Variants in SLCO3A1 observed in about 807,000 individuals in gnomAD.
The protein encoded by SLCO3A1 is solute carrier organic anion transporter family member 3A1, also known as PGE1 transporter.
Under a neutral mutation model 63.1 loss-of-function variants are expected in SLCO3A1, and 27 were observed. The ratio of observed to expected loss-of-function variants is 0.43; its 90% confidence interval spans 0.32 to 0.59. SLCO3A1 has a LOEUF of 0.59. Ranked by LOEUF, SLCO3A1 falls within the 20% of genes least tolerant of loss-of-function variation. SLCO3A1 has a pLI of 0.09. For missense variants in SLCO3A1, 773 were observed against 945.8 expected (o/e 0.82, Z 2.40); for synonymous variants, 473 against 409.9 (o/e 1.15, Z -1.86).
At chr15:91,996,871 A>G (rs2387402) in intron 2 of SLCO3A1, among the ~76,000 whole-genome samples, 3,654 of 152,302 alleles carry the variant, frequency 0.024, 142 homozygotes, top group African/African-American at 0.083. Context: ...TGAAAAGCCA[A>G]AAATTTAAAA....
chr15:92,067,680 A>G (rs2047167594), intron 2 of SLCO3A1, among the ~76,000 whole-genome samples: 1 of 152,258 alleles, frequency 6.6e-6, no homozygotes, highest in Admixed American at 6.5e-5. Context: ...GTCTAGAGCC[A>G]GAAGCGTCAG....
intron 2 of SLCO3A1, among the ~76,000 whole-genome samples, chr15:92,059,155 A>G (rs1436540316): frequency 1.3e-5 from 2 of 151,986 alleles, no homozygotes; most frequent in Non-Finnish European, 2.9e-5. Flanking sequence ...TCCCCTTTCC[A>G]TCTCCACCCT....
intron 2 of SLCO3A1, among the ~76,000 whole-genome samples, chr15:91,966,133 G>C (rs1180391507): frequency 6.6e-6 from 1 of 152,180 alleles, no homozygotes; most frequent in Non-Finnish European, 1.5e-5. Context: ...AAGTAACAAG[G>C]TTGAGTCGAG....
intron 2 of SLCO3A1, among the ~76,000 whole-genome samples, chr15:92,026,705 C>T (rs1040876070): frequency 1.3e-5 from 2 of 152,162 alleles, no homozygotes; most frequent in African/African-American, 4.8e-5. Context: ...TGGCCATGAC[C>T]GTCATGGTTT....
At chr15:91,917,514 G>A (rs77440539) in intron 2 of SLCO3A1, among the ~76,000 whole-genome samples, 1,973 of 152,244 alleles carry the variant, frequency 0.013, 38 homozygotes, top group African/African-American at 0.044. Context: ...GAGTAGACGC[G>A]TTTACTGAAC....
chr15:92,020,707 T>C (rs892179755), intron 2 of SLCO3A1, among the ~76,000 whole-genome samples: 2 of 152,192 alleles, frequency 1.3e-5, no homozygotes, highest in Non-Finnish European at 2.9e-5. Flanking sequence ...GCCAGTGCCA[T>C]GAGGCTAGCT....
intron 9 of SLCO3A1, among the ~76,000 whole-genome samples, chr15:92,160,133 A>C (rs988391393): frequency 2.6e-5 from 4 of 152,050 alleles, no homozygotes; most frequent in Non-Finnish European, 5.9e-5. Context: ...AAAGGTCACA[A>C]GGAGGGAGGA....
chr15:92,158,313 C>A (rs369816127), intron 9 of SLCO3A1, among the ~76,000 whole-genome samples: 1 of 152,134 alleles, frequency 6.6e-6, no homozygotes, highest in Admixed American at 6.5e-5. Context: ...TTCTCTGTAT[C>A]CCTGGAAATC....
intron 9 of SLCO3A1, among the ~76,000 whole-genome samples, chr15:92,155,833 T>TAATAGAATAA (rs1375164314): frequency 1.3e-5 from 2 of 152,114 alleles, no homozygotes; most frequent in African/African-American, 4.8e-5. Context: ...GAGAAGCCTT[T>TAATAGAATAA]AATAGAATAA....
chr15:92,001,777 C>T (rs930191813), intron 2 of SLCO3A1, among the ~76,000 whole-genome samples: 6 of 150,656 alleles, frequency 4.0e-5, no homozygotes, highest in Admixed American at 1.3e-4. Flanking sequence ...TGCACTTTGC[C>T]GGGCATTTTA....
At chr15:91,956,950 G>A (rs1203727493) in intron 2 of SLCO3A1, among the ~76,000 whole-genome samples, 1 of 49,036 alleles carries the variant, frequency 2.0e-5, no homozygotes, top group East Asian at 4.8e-4. Context: ...ACCATGCCTG[G>A]CTAATTTATT....
chr15:92,164,664 A>G lies in SLCO3A1; in HGVS notation c.*1529A>G. The stretch of plus-strand genomic sequence containing the variant: ...GCTCCTGGAAGCTGTCGTGTGTCCA[A>G]TGCGTGAAAATGTCTGTGACATTTT... On this transcript the variant is annotated 3_prime_UTR_variant, in exon 10 of 10. Coordinates refer to ENST00000318445, the MANE Select transcript of SLCO3A1 (RefSeq NM_013272.4). The G allele has an allele frequency of 1.4e-5, 14 of 985,426 alleles. No homozygotes were observed. Among genetic ancestry groups the G allele is most frequent in the African/African-American group, 1.7e-5 (1 of 57,360 alleles). 61.0% of individuals were successfully genotyped at this position (985,426 alleles called of 1,614,324 possible). A position where few individuals can be genotyped will look rare whatever the true frequency, so the allele number is the denominator to read the frequency against.
Position 91,885,088 on chromosome 15 carries a change from A to G in SLCO3A1, c.181-30905A>G, listed in dbSNP as rs1897690014. On this transcript the variant is annotated intron_variant, in intron 1 of 9. Coordinates refer to ENST00000318445, the MANE Select transcript of SLCO3A1 (RefSeq NM_013272.4). The surrounding 1 kb of genome is among the most constrained non-coding windows in gnomAD (Gnocchi z 4.7). ...AGTAAAAAGCCTTTCCGTCCCATAT[A>G]GGGACACAGAAAGGAGGTGATGGGG... 6.6e-6 allele frequency among the ~76,000 whole-genome samples: 1 copy of G among 152,134 alleles called. No homozygotes were observed. Among genetic ancestry groups the G allele is most frequent in the Admixed American group, 6.5e-5 (1 of 15,270 alleles).
At chr15:92,016,273 G>GAT (rs768039251) in intron 2 of SLCO3A1, among the ~76,000 whole-genome samples, 2 of 134,578 alleles carry the variant, frequency 1.5e-5, no homozygotes, top group African/African-American at 5.9e-5. Flanking sequence ...TAGATAGATA[G>GAT]ATAGATAGAT....
At chr15:91,973,575 C>T (rs569798169) in intron 2 of SLCO3A1, among the ~76,000 whole-genome samples, 8 of 152,154 alleles carry the variant, frequency 5.3e-5, no homozygotes, top group African/African-American at 1.4e-4. Flanking sequence ...TTGCAGGATT[C>T]GAGGGCGAGT....
At chr15:91,866,561 C>A (rs567441941) in intron 1 of SLCO3A1, among the ~76,000 whole-genome samples, 3 of 145,840 alleles carry the variant, frequency 2.1e-5, no homozygotes, top group African/African-American at 7.7e-5. Context: ...TTTCTCTGCA[C>A]AGGCTCCTTT....
intron 2 of SLCO3A1, among the ~76,000 whole-genome samples, chr15:91,996,264 G>A (rs962365436): frequency 6.6e-6 from 1 of 151,958 alleles, no homozygotes; most frequent in Non-Finnish European, 1.5e-5. Flanking sequence ...AAACCATAAG[G>A]TATCTAAGGA....
rs1897148892 is a variant in SLCO3A1 at position 91,865,702 on chromosome 15, C to G, written c.180+11614C>G. 6.6e-6 allele frequency among the ~76,000 whole-genome samples: 1 copy of G among 152,200 alleles called. No homozygotes were observed. The highest frequency in any genetic ancestry group is 2.4e-5 in the African/African-American group (1 of 41,454). ...TTCCCCCGCGTCTCTCTCTCTTCTTCTTCTAAGGACACCGGTCACATTGGA... is the reference window on the plus strand; with the variant it reads ...TTCCCCCGCGTCTCTCTCTCTTCTTGTTCTAAGGACACCGGTCACATTGGA... On this transcript the variant is annotated intron_variant, in intron 1 of 9. Coordinates refer to ENST00000318445, the MANE Select transcript of SLCO3A1 (RefSeq NM_013272.4). The surrounding 1 kb of genome is among the most constrained non-coding windows in gnomAD (Gnocchi z 4.6).
At chr15:92,098,031 A>T (rs1003385218) in intron 3 of SLCO3A1, 1 of 152,316 alleles carries the variant, frequency 6.6e-6, no homozygotes, top group Non-Finnish European at 1.5e-5. Context: ...ACACGTGGAC[A>T]CATGTTTCTG....
Sources: allele counts gnomAD v4.1 joint callset (sites outside exome capture counted in the v4.1 genomes callset), GRCh38; gene constraint gnomAD v4.1.1; non-coding constraint Gnocchi (gnomAD v3.1); transcripts MANE v1.5; gene names NCBI Gene and HGNC (gene_info 2026-07-23, HGNC 2026-07-21).